SULT6B1: variants seen among roughly 807,000 people sequenced by gnomAD.
SULT6B1 encodes sulfotransferase 6B1.
SULT6B1 carries 44 observed loss-of-function variants against 37.2 expected under a neutral mutation model. That is an observed-to-expected ratio of 1.18 (90% confidence interval 0.93 to 1.52). The LOEUF is 1.52. SULT6B1 is among the 40% of genes most tolerant of loss of function. SULT6B1 has a pLI of 0.00. For missense variants in SULT6B1, 450 were observed against 361.0 expected, an observed-to-expected ratio of 1.25 and a Z score of -2.00; for synonymous variants, 140 against 126.0, an observed-to-expected ratio of 1.11 and a Z score of -0.74.
upstream of SULT6B1, among the ~76,000 whole-genome samples, chr2:37,190,752 C>G (rs1170500034): frequency 6.6e-6 from 1 of 152,068 alleles, no homozygotes; most frequent in Non-Finnish European, 1.5e-5. Flanking sequence ...GGGAGTGGTA[C>G]AGGATGCAGG....
intron 6 of SULT6B1, among the ~76,000 whole-genome samples, chr2:37,168,544 T>C (rs1465142783): frequency 6.6e-6 from 1 of 152,100 alleles, no homozygotes; most frequent in Non-Finnish European, 1.5e-5. Context: ...GTGTGGGAGG[T>C]GACATGTTTT....
chr2:37,183,542 A>G, intron 2 of SULT6B1, 28 bp from the exon 3 acceptor site: 1 of 1,565,802 alleles, frequency 6.4e-7, no homozygotes, highest in African/African-American at 1.4e-5. Flanking sequence ...AAAGGTGAAA[A>G]TGTGCACGTG....
chr2:37,191,734 C>G (rs372009418), upstream of SULT6B1, among the ~76,000 whole-genome samples: 3 of 152,072 alleles, frequency 2.0e-5, no homozygotes, highest in East Asian at 1.9e-4. Flanking sequence ...AAGGTGGGTA[C>G]GAAAAAAACT....
At chr2:37,183,288 A>C (rs1676595435) in intron 3 of SULT6B1, 137 bp downstream of exon 3, 3 of 675,134 alleles carry the variant, frequency 4.4e-6, no homozygotes, top group Non-Finnish European at 7.4e-6. Flanking sequence ...TCAAGAAAGA[A>C]ACAAAAACAA....
chr2:37,195,563 A>G (rs1301498208), intron 1 of SULT6B1, among the ~76,000 whole-genome samples: 1 of 152,152 alleles, frequency 6.6e-6, no homozygotes, highest in African/African-American at 2.4e-5. Flanking sequence ...TCCTCGGATT[A>G]GAAGCAAGGC....
At chr2:37,189,460 A>C (rs1676739614), upstream of SULT6B1, among the ~76,000 whole-genome samples, 1 of 152,368 alleles carries the variant, frequency 6.6e-6, no homozygotes, top group Non-Finnish European at 1.5e-5. Context: ...GATGACTTCA[A>C]GTACAAGTGC....
At chr2:37,187,325 G>A (rs778001175) in intron 2 of SULT6B1, 30 bp downstream of exon 2, 12 of 1,346,986 alleles carry the variant, frequency 8.9e-6, no homozygotes, top group African/African-American at 2.9e-5. Flanking sequence ...ATGATAATTT[G>A]CTGTAAGGTT....
intron 1 of SULT6B1, chr2:37,194,879 C>CCCTCCCTCCCTCCCTCCCTTCCTT (rs1558455698): frequency 2.5e-5 from 1 of 39,918 alleles, no homozygotes; most frequent in Admixed American, 2.2e-4. Context: ...CTCCCTCCCT[C>CCCTCCCTCCCTCCCTCCCTTCCTT]CCTTCCTTCC....
In SULT6B1 at chr2:37,183,422, C is replaced by A; in HGVS notation, c.402+3G>T. 6.2e-7 allele frequency: 1 copy of A among 1,612,048 alleles called. No individual in the cohort carries two copies. On this transcript the variant is annotated splice_donor_region_variant and intron_variant, in intron 3 of 6. Transcript: ENST00000535679. ...AGAATTATCAGTAGGAAAGGACACT[C>A]ACCTTGGCTTTATTCTCGAAGATAG...
intron 5 of SULT6B1, among the ~76,000 whole-genome samples, chr2:37,172,285 C>T (rs937291326): frequency 2.6e-5 from 4 of 151,742 alleles, no homozygotes; most frequent in Non-Finnish European, 5.9e-5. Flanking sequence ...CTTTAATAGA[C>T]CAGTGCATAA....
upstream of SULT6B1, among the ~76,000 whole-genome samples, chr2:37,193,593 AG>A (rs1320056547): frequency 9.2e-5 from 12 of 130,722 alleles, no homozygotes; most frequent in South Asian, 7.6e-4. Context: ...AAGAAGAAGA[AG>A]AAAAAGAAGA....
At chr2:37,173,000 G>A (rs745674660) in intron 5 of SULT6B1, among the ~76,000 whole-genome samples, 8 of 151,802 alleles carry the variant, frequency 5.3e-5, no homozygotes, top group Non-Finnish European at 8.8e-5. Context: ...TTACAGGCAC[G>A]CACCACCACA....
intron 6 of SULT6B1, among the ~76,000 whole-genome samples, chr2:37,168,448 G>A (rs1374634819): frequency 2.6e-5 from 4 of 152,242 alleles, no homozygotes; most frequent in African/African-American, 7.2e-5. Context: ...GAGCTACTGC[G>A]CCCAGCCAAA....
At chr2:37,187,231 G>A in intron 2 of SULT6B1, 124 bp downstream of exon 2, 2 of 643,940 alleles carry the variant, frequency 3.1e-6, no homozygotes, top group Non-Finnish European at 5.6e-6. Flanking sequence ...GATATGGTAA[G>A]CACACAGTAA....
chr2:37,184,519 C>A (rs140496830), intron 2 of SULT6B1, among the ~76,000 whole-genome samples: 4 of 152,242 alleles, frequency 2.6e-5, no homozygotes, highest in African/African-American at 9.6e-5. Flanking sequence ...GTTTTTAGTC[C>A]CACATCTGTA....
chr2:37,178,787 T>C (rs1469206865), intron 4 of SULT6B1, among the ~76,000 whole-genome samples: 59 of 152,316 alleles, frequency 3.9e-4, no homozygotes, highest in Non-Finnish European at 1.5e-5. Context: ...CTCAGTGTCA[T>C]GGTTTTTTAA....
At chr2:37,177,982 T>C (rs1676467736) in intron 4 of SULT6B1, among the ~76,000 whole-genome samples, 1 of 152,206 alleles carries the variant, frequency 6.6e-6, no homozygotes, top group African/African-American at 2.4e-5. Context: ...AATCAGTTAC[T>C]GGTCTCTGGC....
chr2:37,177,457 A>AATACAGCAACAGC (rs1553342867), intron 4 of SULT6B1, among the ~76,000 whole-genome samples: 1 of 148,914 alleles, frequency 6.7e-6, no homozygotes, highest in Non-Finnish European at 1.5e-5. Flanking sequence ...AAAAGAGAAG[A>AATACAGCAACAGC]ATACAGCATG....
upstream of SULT6B1, among the ~76,000 whole-genome samples, chr2:37,190,136 G>A (rs1353122183): frequency 1.3e-5 from 2 of 152,204 alleles, no homozygotes; most frequent in Non-Finnish European, 2.9e-5. Context: ...TTACTCAAAA[G>A]TTATAGCAGT....
Sources: gnomAD v4.1 joint callset for allele counts (sites outside exome capture counted in the v4.1 genomes callset) on GRCh38, gnomAD v4.1.1 for gene constraint, MANE v1.5 for transcripts, NCBI Gene and HGNC (gene_info 2026-07-23, HGNC 2026-07-21) for gene names.